The following CLEC11A variants were observed in gnomAD, a reference collection of about 807,000 sequenced individuals.
CLEC11A encodes the protein C-type lectin domain containing 11A.
Under a neutral mutation model 33.9 loss-of-function variants are expected in CLEC11A, and 35 were observed. The observed-to-expected ratio is 1.03, with a 90% CI of 0.79 to 1.37. CLEC11A has a LOEUF of 1.37. Ranked by LOEUF, CLEC11A falls within the 40% of genes most tolerant of loss-of-function variation. The pLI is 0.00. For missense variants in CLEC11A, 519 were observed against 455.5 expected, an observed-to-expected ratio of 1.14 and a Z score of -1.27; for synonymous variants, 220 against 202.2, an observed-to-expected ratio of 1.09 and a Z score of -0.75.
At position 50,724,365 on chromosome 19, in the gene CLEC11A, G is replaced by GC; in HGVS notation, c.335-44dup. ...TCTCCAGGTCCTCAGGCCCCCCGCT[G>GC]CATCTCCAGGCTCCCCCTCCAGCAT... On this transcript the variant is annotated intron_variant, in intron 2 of 3. Coordinates refer to ENST00000250340, the MANE Select transcript of CLEC11A (RefSeq NM_002975.3). The surrounding 1 kb of genome is among the most constrained non-coding windows in gnomAD (Gnocchi z 4.1). 6.9e-7 allele frequency: 1 copy of GC among 1,445,720 alleles called. No individual in the cohort carries two copies. Among genetic ancestry groups the GC allele is most frequent in the Non-Finnish European group, 9.1e-7 (1 of 1,104,078 alleles). The allele number at this position is 1,445,720 out of a possible 1,614,324, so 89.6% of individuals were successfully genotyped here. A position where few individuals can be genotyped will look rare whatever the true frequency, so the allele number is the denominator to read the frequency against.
In CLEC11A at chr19:50,724,651, G is replaced by T. The variant is rs1461236670; in HGVS notation, c.526+50G>T. On this transcript the variant is annotated intron_variant, in intron 3 of 3. Coordinates refer to ENST00000250340, the MANE Select transcript of CLEC11A (RefSeq NM_002975.3). The surrounding 1 kb of genome is among the most constrained non-coding windows in gnomAD (Gnocchi z 4.1). ...AAAAAAATGAGACTATCTGGGCCAGGAATGGGACTGGTTGAGAAGGTGACC... is the reference window on the plus strand; with the variant it reads ...AAAAAAATGAGACTATCTGGGCCAGTAATGGGACTGGTTGAGAAGGTGACC... 7 of 1,371,656 alleles carry T rather than the reference G, an allele frequency of 5.1e-6. No individual in the cohort carries two copies. Among genetic ancestry groups the T allele is most frequent in the Non-Finnish European group, 6.6e-6 (7 of 1,063,414 alleles). The allele number at this position is 1,371,656 out of a possible 1,614,324, so 85.0% of individuals were successfully genotyped here.
At position 50,725,507 on chromosome 19, in the gene CLEC11A, G is replaced by T. The variant is rs779147683; in HGVS notation, c.*40G>T. 6.6e-6 allele frequency: 10 copies of T among 1,514,714 alleles called. No homozygotes were observed. The South Asian group carries it at 1.3e-4, about 19-fold the overall frequency. The allele number at this position is 1,514,714 out of a possible 1,614,324, so 93.8% of individuals were successfully genotyped here. Reference sequence around the variant, plus strand: ...CGCCTCCCTGCCCATCCCACCACCCGGCCTTTCCCTGCGCCGTGCCCACCC... The same window carrying T: ...CGCCTCCCTGCCCATCCCACCACCCTGCCTTTCCCTGCGCCGTGCCCACCC... On this transcript the variant is annotated 3_prime_UTR_variant, in exon 4 of 4. Coordinates refer to ENST00000250340, the MANE Select transcript of CLEC11A (RefSeq NM_002975.3).
Position 50,724,157 on chromosome 19 carries a change from G to GC in CLEC11A, c.334+66_334+67insC. ...CCGCGGTCACTTTCGCAAAAATGAA[G>GC]GGTCGGTTCACTGCCAAGTGGCCTT... On this transcript the variant is annotated intron_variant, in intron 2 of 3. Coordinates refer to ENST00000250340, the MANE Select transcript of CLEC11A (RefSeq NM_002975.3). The surrounding 1 kb of genome is among the most constrained non-coding windows in gnomAD (Gnocchi z 4.1). 1 of 1,604,426 alleles carries GC rather than the reference G, an allele frequency of 6.2e-7. No individual in the cohort carries two copies. Among genetic ancestry groups the GC allele is most frequent in the African/African-American group, 1.3e-5 (1 of 74,110 alleles).
chr19:50,725,644 T>G lies in CLEC11A; in HGVS notation c.*177T>G. On this transcript the variant is annotated 3_prime_UTR_variant, in exon 4 of 4. Coordinates refer to ENST00000250340, the MANE Select transcript of CLEC11A (RefSeq NM_002975.3). The stretch of plus-strand genomic sequence containing the variant: ...CGGTGCCGGCACTCCTCCTTGTTAG[T>G]GTCTTTCCTTGAAGGGGCGGGCACC... 1 of 1,170,028 alleles carries G rather than the reference T, an allele frequency of 8.5e-7. No individual in the cohort carries two copies. The highest frequency in any genetic ancestry group is 1.2e-6 in the Non-Finnish European group (1 of 857,976). 72.5% of individuals were successfully genotyped at this position (1,170,028 alleles called of 1,614,324 possible). A position where few individuals can be genotyped will look rare whatever the true frequency, so the allele number is the denominator to read the frequency against.
rs1482783902 is a variant in CLEC11A, at chr19:50,724,256, GCCTGGGCCACTCGACCCTA to G, written c.335-150_335-132del. Among the ~76,000 whole-genome samples, 2 of 152,126 alleles carry G rather than the reference GCCTGGGCCACTCGACCCTA, an allele frequency of 1.3e-5. No individual in the cohort carries two copies. Among genetic ancestry groups the G allele is most frequent in the African/African-American group, 4.8e-5 (2 of 41,416 alleles). On this transcript the variant is annotated intron_variant, in intron 2 of 3. Transcript: ENST00000250340. The surrounding 1 kb of genome is among the most constrained non-coding windows in gnomAD (Gnocchi z 4.1). ...AGGTCCACGGCCATGCCTCCTAAAGGCCTGGGCCACTCGACCCTACCTTCCAGGAGTCCGGGGTGCCCCC... is the reference window on the plus strand; with the variant it reads ...AGGTCCACGGCCATGCCTCCTAAAGGCCTTCCAGGAGTCCGGGGTGCCCCC...
Position 50,725,191 on chromosome 19 carries a change from T to C in CLEC11A, c.696T>C (p.Ala232=). Reference sequence around the variant, plus strand: ...CTCGGTACCTGCGCGCGGCGCTCGCTCCCTACAACTGGCCCGTGTGGCTGG... The same window carrying C: ...CTCGGTACCTGCGCGCGGCGCTCGCCCCCTACAACTGGCCCGTGTGGCTGG... ...ALTRYLRAAL[A]PYNWPVWLGV... Residue 232 remains alanine, a synonymous_variant, in exon 4 of 4, where the codon GCT becomes GCC. Coordinates refer to ENST00000250340, the MANE Select transcript of CLEC11A (RefSeq NM_002975.3). 6.3e-7 allele frequency: 1 copy of C among 1,588,186 alleles called. No individual in the cohort carries two copies. The highest frequency in any genetic ancestry group is 8.6e-7 in the Non-Finnish European group (1 of 1,168,372).
At position 50,724,719 on chromosome 19, in the gene CLEC11A, C is replaced by T. The variant is rs931607969; in HGVS notation, c.526+118C>T. The stretch of plus-strand genomic sequence containing the variant: ...GAGAGTTCGGGAGAGCTGCTGTGTG[C>T]TAGCGGACGGGGTTAGAGAGCTGGG... On this transcript the variant is annotated intron_variant, in intron 3 of 3. Transcript: ENST00000250340. This position sits in a 1 kb window ranked among gnomAD's most constrained non-coding sequence, Gnocchi z 4.1. The T allele has an allele frequency of 1.6e-4, 201 of 1,225,950 alleles. No homozygotes were observed. Among genetic ancestry groups the T allele is most frequent in the Non-Finnish European group, 2.1e-4 (195 of 934,734 alleles). 75.9% of individuals were successfully genotyped at this position (1,225,950 alleles called of 1,614,324 possible).
At position 50,725,053 on chromosome 19, in the gene CLEC11A, G is replaced by C; in HGVS notation, c.558G>C (p.Lys186Asn). Residue 186 changes from lysine (K) to asparagine (N), a missense_variant, in exon 4 of 4, where the codon AAG becomes AAC. Physicochemically the swap from Lys to Asn is moderately conservative, Grantham distance 94. Coordinates refer to ENST00000250340, the MANE Select transcript of CLEC11A (RefSeq NM_002975.3). ...TGAAGGGGCTGCGCCTGGGCCACAA[G>C]TGCTTCCTGCTCTCGCGCGACTTCG... is the stretch of plus-strand genomic sequence containing the variant. ...GCLKGLRLGHKCFLLSRDFEA... is the reference protein window; with the variant it reads ...GCLKGLRLGHNCFLLSRDFEA... The C allele has an allele frequency of 6.6e-7, 1 of 1,515,402 alleles. No individual in the cohort carries two copies. Among genetic ancestry groups the C allele is most frequent in the Non-Finnish European group, 8.8e-7 (1 of 1,133,660 alleles). 93.9% of individuals were successfully genotyped at this position (1,515,402 alleles called of 1,614,324 possible). A position where few individuals can be genotyped will look rare whatever the true frequency, so the allele number is the denominator to read the frequency against.
rs1386450014 is a variant in CLEC11A, at chr19:50,724,879, C to T, written c.527-143C>T. 10 of 1,404,812 alleles carry T rather than the reference C, an allele frequency of 7.1e-6. No homozygotes were observed. The highest frequency in any genetic ancestry group is 6.1e-5 in the African/African-American group (4 of 65,758). 87.0% of individuals were successfully genotyped at this position (1,404,812 alleles called of 1,614,324 possible). A position where few individuals can be genotyped will look rare whatever the true frequency, so the allele number is the denominator to read the frequency against. Reference sequence around the variant, plus strand: ...ACCAGACTCTCCACCTCCTGGCTCCCGCGGTTCTGACCACGCCTCCTCCCA... The same window carrying T: ...ACCAGACTCTCCACCTCCTGGCTCCTGCGGTTCTGACCACGCCTCCTCCCA... On this transcript the variant is annotated intron_variant, in intron 3 of 3. Coordinates refer to ENST00000250340, the MANE Select transcript of CLEC11A (RefSeq NM_002975.3). The surrounding 1 kb of genome is among the most constrained non-coding windows in gnomAD (Gnocchi z 4.1).
In CLEC11A at chr19:50,723,463, G is replaced by C; in HGVS notation, c.-63G>C. On this transcript the variant is annotated 5_prime_UTR_variant, in exon 1 of 4. Coordinates refer to ENST00000250340, the MANE Select transcript of CLEC11A (RefSeq NM_002975.3). This position sits in a 1 kb window ranked among gnomAD's most constrained non-coding sequence, Gnocchi z 4.1. ...GCAGGGGCACTCGGCAGTTCCCAGA[G>C]GCCACCCCTCCCACCCCAGACATCC... 1 of 1,595,282 alleles carries C rather than the reference G, an allele frequency of 6.3e-7. No individual in the cohort carries two copies. Among genetic ancestry groups the C allele is most frequent in the Non-Finnish European group, 8.6e-7 (1 of 1,166,482 alleles).
In CLEC11A at chr19:50,724,114, C is replaced by T. The variant is rs767141899; in HGVS notation, c.334+23C>T. The T allele has an allele frequency of 7.5e-6, 12 of 1,609,184 alleles. No individual in the cohort carries two copies. The highest frequency in any genetic ancestry group is 9.3e-6 in the Non-Finnish European group (11 of 1,178,616). ...TCCGTGAGTAACCAGAAGCCCTCAC[C>T]CCCAAACTCCTAGGCCGCCGCGGTC... On this transcript the variant is annotated intron_variant, in intron 2 of 3. Coordinates refer to ENST00000250340, the MANE Select transcript of CLEC11A (RefSeq NM_002975.3). This position sits in a 1 kb window ranked among gnomAD's most constrained non-coding sequence, Gnocchi z 4.1.
At position 50,725,625 on chromosome 19, in the gene CLEC11A, C is replaced by T. The variant is rs1300808566; in HGVS notation, c.*158C>T. On this transcript the variant is annotated 3_prime_UTR_variant, in exon 4 of 4. Transcript: ENST00000250340. The stretch of plus-strand genomic sequence containing the variant: ...GCTTCTGGGAGGGCTCTTGCGGTGC[C>T]GGCACTCCTCCTTGTTAGTGTCTTT... The T allele has an allele frequency of 3.1e-6, 4 of 1,289,840 alleles. No homozygotes were observed. The highest frequency in any genetic ancestry group is 1.5e-5 in the African/African-American group (1 of 66,522). 79.9% of individuals were successfully genotyped at this position (1,289,840 alleles called of 1,614,324 possible).
At position 50,723,448 on chromosome 19, in the gene CLEC11A, T is replaced by TC. The variant is rs1030099907; in HGVS notation, c.-77dup. On this transcript the variant is annotated 5_prime_UTR_variant, in exon 1 of 4. Transcript: ENST00000250340. The surrounding 1 kb of genome is among the most constrained non-coding windows in gnomAD (Gnocchi z 4.1). ...TGACCTGCACACAGGGCAGGGGCAC[T>TC]CGGCAGTTCCCAGAGGCCACCCCTC... 8.8e-5 allele frequency: 134 copies of TC among 1,529,818 alleles called. No individual in the cohort carries two copies. The highest frequency in any genetic ancestry group is 1.2e-4 in the Non-Finnish European group (131 of 1,109,626). 94.8% of individuals were successfully genotyped at this position (1,529,818 alleles called of 1,614,324 possible). A position where few individuals can be genotyped will look rare whatever the true frequency, so the allele number is the denominator to read the frequency against.
chr19:50,724,370 T>G lies in CLEC11A; in HGVS notation c.335-40T>G. On this transcript the variant is annotated intron_variant, in intron 2 of 3. Coordinates refer to ENST00000250340, the MANE Select transcript of CLEC11A (RefSeq NM_002975.3). The surrounding 1 kb of genome is among the most constrained non-coding windows in gnomAD (Gnocchi z 4.1). ...AGGTCCTCAGGCCCCCCGCTGCATCTCCAGGCTCCCCCTCCAGCATGATCC... is the reference window on the plus strand; with the variant it reads ...AGGTCCTCAGGCCCCCCGCTGCATCGCCAGGCTCCCCCTCCAGCATGATCC... 7.0e-7 allele frequency: 1 copy of G among 1,421,800 alleles called. No individual in the cohort carries two copies. Among genetic ancestry groups the G allele is most frequent in the Non-Finnish European group, 9.2e-7 (1 of 1,090,480 alleles). The allele number at this position is 1,421,800 out of a possible 1,614,324, so 88.1% of individuals were successfully genotyped here. A position where few individuals can be genotyped will look rare whatever the true frequency, so the allele number is the denominator to read the frequency against.
rs756718791 is a variant in CLEC11A at position 50,723,650 on chromosome 19, A to C, written c.125A>C (p.Glu42Ala). ...GGAGGTGCCCAGGAGGAGGAGCGGG[A>C]GAGGGAGGCCCTGATGCTGAAGGTG... ...GWGGAQEEER[E>A]REALMLKHLQ... Residue 42 changes from glutamate (E) to alanine (A), a missense_variant, in exon 1 of 4, where the codon GAG (glutamate) becomes GCG (alanine). Physicochemically the swap from Glu to Ala is moderately radical, Grantham distance 107 (BLOSUM62 -1). Transcript: ENST00000250340. The surrounding 1 kb of genome is among the most constrained non-coding windows in gnomAD (Gnocchi z 4.1). 42 of 1,595,678 alleles carry C rather than the reference A, an allele frequency of 2.6e-5. 2 individuals carry two copies. In the South Asian group the frequency reaches 3.3e-4, roughly 13 times the overall value.
In CLEC11A at chr19:50,725,489, C is replaced by T. The variant is rs13866; in HGVS notation, c.*22C>T. 0.27 allele frequency: 412,245 copies of T among 1,554,738 alleles called. 56,809 individuals are homozygous for T. The highest frequency in any genetic ancestry group is 0.38 in the South Asian group (32,210 of 84,028). ...CTAGCGGGGCCGGTACCCCGCCTCC[C>T]TGCCCATCCCACCACCCGGCCTTTC... On this transcript the variant is annotated 3_prime_UTR_variant, in exon 4 of 4. Transcript: ENST00000250340.
rs773281806 is a variant in CLEC11A, at chr19:50,725,282, G to C, written c.787G>C (p.Ala263Pro). 3 of 1,611,702 alleles carry C rather than the reference G, an allele frequency of 1.9e-6. No homozygotes were observed. Among genetic ancestry groups the C allele is most frequent in the Admixed American group, 3.3e-5 (2 of 59,918 alleles). ...FENGQRVSFF[A>P]WHRSPRPELG... The stretch of plus-strand genomic sequence containing the variant: ...AAACGGCCAGCGCGTGTCCTTCTTC[G>C]CCTGGCATCGCTCACCCCGCCCCGA... The change falls in exon 4 of 4, where the codon GCC becomes CCC. Residue 263 changes from alanine (A) to proline (P), a missense_variant. Coordinates refer to ENST00000250340, the MANE Select transcript of CLEC11A (RefSeq NM_002975.3).
rs1169605988 is a variant in CLEC11A, at chr19:50,723,683, G to T, written c.147+11G>T. The T allele has an allele frequency of 1.3e-6, 2 of 1,567,498 alleles. No homozygotes were observed. The highest frequency in any genetic ancestry group is 8.6e-7 in the Non-Finnish European group (1 of 1,158,950). On this transcript the variant is annotated intron_variant, in intron 1 of 3. Coordinates refer to ENST00000250340, the MANE Select transcript of CLEC11A (RefSeq NM_002975.3). The surrounding 1 kb of genome is among the most constrained non-coding windows in gnomAD (Gnocchi z 4.1). ...GCCCTGATGCTGAAGGTGAGCTCTG[G>T]AGTGTCAGGGAGCTATGGGTGGTGA...
In CLEC11A at chr19:50,724,945, CGGATGTTTTGTCCT is replaced by C; in HGVS notation, c.527-76_527-63del. ...TCCTGGCCCCGCCTCCCTCCACCCC[CGGATGTTTTGTCCT>C]CGCCCCCTTCCAGACTCTGAATGCA... On this transcript the variant is annotated intron_variant, in intron 3 of 3. Coordinates refer to ENST00000250340, the MANE Select transcript of CLEC11A (RefSeq NM_002975.3). The surrounding 1 kb of genome is among the most constrained non-coding windows in gnomAD (Gnocchi z 4.1). The C allele has an allele frequency of 1.4e-6, 2 of 1,418,572 alleles. No homozygotes were observed. The highest frequency in any genetic ancestry group is 1.5e-5 in the South Asian group (1 of 64,638). 87.9% of individuals were successfully genotyped at this position (1,418,572 alleles called of 1,614,324 possible).
Sources: allele counts gnomAD v4.1 joint callset (sites outside exome capture counted in the v4.1 genomes callset), GRCh38; gene constraint gnomAD v4.1.1; non-coding constraint Gnocchi (gnomAD v3.1); transcripts MANE v1.5; gene names NCBI Gene and HGNC (gene_info 2026-07-23, HGNC 2026-07-21).